The following GOLGA6L2 variants were observed in gnomAD, a reference collection of about 807,000 sequenced individuals.
GOLGA6L2 encodes the protein golgin A6 family like 2, also known as golgin subfamily A member 6-like protein 2.
GOLGA6L2 carries 30 observed loss-of-function variants against 35.9 expected under a neutral mutation model. That is an observed-to-expected ratio of 0.83 (90% CI 0.62 to 1.13). GOLGA6L2 has a LOEUF of 1.13. GOLGA6L2 is among the 50% of genes most tolerant of loss of function. The pLI, the probability that GOLGA6L2 is intolerant of heterozygous loss-of-function variation, is 0.00. For synonymous variants in GOLGA6L2, 297 were observed against 344.0 expected (o/e 0.86, Z 1.51); for missense variants, 821 against 973.4 (o/e 0.84, Z 2.08).
At chr15:23,444,612 A>ATTGGGTCTGAGAACGTT in intron 2 of GOLGA6L2, 112 bp from the exon 3 acceptor site, 1 of 879,462 alleles carries the variant, frequency 1.1e-6, no homozygotes, top group Non-Finnish European at 1.8e-6. Context: ...CAACGTTCTC[A>ATTGGGTCTGAGAACGTT]GACCCAATGG....
At chr15:23,444,413 T>C in intron 3 of GOLGA6L2, 58 bp downstream of exon 3, 1 of 1,564,832 alleles carries the variant, frequency 6.4e-7, no homozygotes, top group Non-Finnish European at 8.7e-7. Context: ...GACGGGCCTC[T>C]ACATCTGAGT....
At chr15:23,442,216 G>A (rs1166628723) in intron 6 of GOLGA6L2, 96 bp from the exon 7 acceptor site, 18 of 1,395,908 alleles carry the variant, frequency 1.3e-5, no homozygotes, top group East Asian at 1.2e-4. Context: ...GCACAGAACC[G>A]TGGCACTGGA....
chr15:23,442,180 A>T (rs1161702301), intron 6 of GOLGA6L2, 60 bp from the exon 7 acceptor site: 1 of 1,529,470 alleles, frequency 6.5e-7, no homozygotes, highest in Non-Finnish European at 8.8e-7. Flanking sequence ...TGCTTTGGTG[A>T]TCAACCCTCT....
At chr15:23,445,258 C>T (rs1234208983) in intron 2 of GOLGA6L2, 52 bp downstream of exon 2, 4 of 349,026 alleles carry the variant, frequency 1.1e-5, no homozygotes, top group Admixed American at 7.1e-5. Flanking sequence ...CAGTTACCCT[C>T]GACCTCCCCT....
intron 3 of GOLGA6L2, 63 bp from the exon 4 acceptor site, chr15:23,444,275 GC>G: frequency 2.6e-6 from 4 of 1,562,580 alleles, no homozygotes; most frequent in Non-Finnish European, 2.6e-6. Context: ...CAAGAGACAT[GC>G]CCCCAGAATG....
At position 23,441,911 on chromosome 15, in the gene GOLGA6L2, G is replaced by A. The variant is rs2070698062; in HGVS notation, c.792+68C>T. The A allele has an allele frequency of 9.3e-6, 14 of 1,507,470 alleles. No homozygotes were observed. In the South Asian group the frequency reaches 1.4e-4, roughly 15 times the overall value. The allele number at this position is 1,507,470 out of a possible 1,614,324, so 93.4% of individuals were successfully genotyped here. A position where few individuals can be genotyped will look rare whatever the true frequency, so the allele number is the denominator to read the frequency against. The stretch of plus-strand genomic sequence containing the variant: ...CTTGGCTGGACCCTCCCCATACCTT[G>A]CATGATCCCTAGACCATGGTCCTAG... On this transcript the variant is annotated intron_variant, in intron 7 of 7. Coordinates refer to ENST00000567107, the MANE Select transcript of GOLGA6L2 (RefSeq NM_001304388.2).
Position 23,439,709 on chromosome 15 carries a change from C to T in GOLGA6L2, c.*36G>A. On this transcript the variant is annotated 3_prime_UTR_variant, in exon 8 of 8. Transcript: ENST00000567107. ...CTGCGGAGAACCCTCCCCAGCCTCT[C>T]CTCCTGCAGGCTCCACACTGCCAGT... 1 of 1,537,364 alleles carries T rather than the reference C, an allele frequency of 6.5e-7. No homozygotes were observed. The highest frequency in any genetic ancestry group is 1.2e-5 in the South Asian group (1 of 84,058).
chr15:23,439,682 T>C lies in GOLGA6L2; in HGVS notation c.*63A>G. On this transcript the variant is annotated 3_prime_UTR_variant, in exon 8 of 8. Coordinates refer to ENST00000567107, the MANE Select transcript of GOLGA6L2 (RefSeq NM_001304388.2). ...CATGATCTCCTGTGCAGTGGGGTTG[T>C]CCTGCGGAGAACCCTCCCCAGCCTC... 1 of 1,537,442 alleles carries C rather than the reference T, an allele frequency of 6.5e-7. No individual in the cohort carries two copies.
chr15:23,441,124 T>A lies in GOLGA6L2; in HGVS notation c.1351A>T (p.Arg451Trp), dbSNP rs1457522604. 4 of 1,522,368 alleles carry A rather than the reference T, an allele frequency of 2.6e-6. No homozygotes were observed. The highest frequency in any genetic ancestry group is 3.5e-6 in the Non-Finnish European group (4 of 1,139,348). The allele number at this position is 1,522,368 out of a possible 1,614,324, so 94.3% of individuals were successfully genotyped here. A position where few individuals can be genotyped will look rare whatever the true frequency, so the allele number is the denominator to read the frequency against. The change falls in exon 8 of 8, where the codon AGG becomes TGG. Residue 451 changes from arginine (R) to tryptophan (W), a missense_variant. Arg to Trp is a moderately radical substitution (Grantham distance 101, BLOSUM62 -3). Transcript: ENST00000567107. ...ATCTTCTTCTCCCGCTCCCGTATCC[T>A]CTCCTCCTCTTGCATCTTCTCCTCC... The part of the protein sequence containing the change: ...DQEEKMQEEE[R>W]IREREKKMRE...
At chr15:23,446,579 G>C (rs1886788872) in intron 1 of GOLGA6L2, among the ~76,000 whole-genome samples, 1 of 152,208 alleles carries the variant, frequency 6.6e-6, no homozygotes, top group African/African-American at 2.4e-5. Flanking sequence ...ACACATCAGT[G>C]CTATGCCCAA....
chr15:23,439,817 A>C lies in GOLGA6L2; in HGVS notation c.2658T>G (p.Asp886Glu). The C allele has an allele frequency of 6.5e-7, 1 of 1,527,320 alleles. No individual in the cohort carries two copies. Among genetic ancestry groups the C allele is most frequent in the Non-Finnish European group, 8.7e-7 (1 of 1,143,490 alleles). 94.6% of individuals were successfully genotyped at this position (1,527,320 alleles called of 1,614,324 possible). Residue 886 changes from aspartate (D) to glutamate (E), a missense_variant, in exon 8 of 8, where the codon GAT (aspartate) becomes GAG (glutamate). Coordinates refer to ENST00000567107, the MANE Select transcript of GOLGA6L2 (RefSeq NM_001304388.2). ...CTCGTGCTCTGGCAGCCTCTCCTGC[A>C]TCTTCTCTTTCTGATCTCGTATCCT... ...GGEDTRSERE[D>E]AGEAARARGA...
Position 23,441,219 on chromosome 15 carries a change from ATCT to A in GOLGA6L2, c.1253_1255del (p.Lys418del), listed in dbSNP as rs1332641810. ...CCGCATCTTCTCCACCTGCTCCCAC[ATCT>A]TCTCCTGCTCCCGCATCCTCTCCTC... On this transcript the variant is annotated inframe_deletion, in exon 8 of 8. Transcript: ENST00000567107. 5 of 1,529,306 alleles carry A rather than the reference ATCT, an allele frequency of 3.3e-6. No individual in the cohort carries two copies. Among genetic ancestry groups the A allele is most frequent in the Non-Finnish European group, 3.5e-6 (4 of 1,143,234 alleles). The allele number at this position is 1,529,306 out of a possible 1,614,324, so 94.7% of individuals were successfully genotyped here.
At chr15:23,444,396 G>A (rs1278173901) in intron 3 of GOLGA6L2, 75 bp downstream of exon 3, 17 of 1,523,820 alleles carry the variant, frequency 1.1e-5, no homozygotes, top group African/African-American at 6.8e-5. Flanking sequence ...GGGAGTAGGC[G>A]AGATGAGACG....
chr15:23,439,266 C>T lies in GOLGA6L2; in HGVS notation c.*479G>A, dbSNP rs1458746085. ...TAGCTGTGATTACAGGCGTGCACAA[C>T]CACGCCCGGCTAACTTGTATTTTTA... is the stretch of plus-strand genomic sequence containing the variant. On this transcript the variant is annotated 3_prime_UTR_variant, in exon 8 of 8. Coordinates refer to ENST00000567107, the MANE Select transcript of GOLGA6L2 (RefSeq NM_001304388.2). Among the ~76,000 whole-genome samples the T allele has an allele frequency of 1.3e-5, 2 of 149,410 alleles. No individual in the cohort carries two copies. The highest frequency in any genetic ancestry group is 3.0e-5 in the Non-Finnish European group (2 of 67,696).
At chr15:23,444,842 C>G (rs553372801) in intron 2 of GOLGA6L2, among the ~76,000 whole-genome samples, 3 of 151,778 alleles carry the variant, frequency 2.0e-5, no homozygotes, top group African/African-American at 4.8e-5. Context: ...ACATAGGGGC[C>G]GGGGACGGTT....
At chr15:23,447,003 C>T (rs1886803281) in intron 1 of GOLGA6L2, 95 bp downstream of exon 1, 2 of 641,654 alleles carry the variant, frequency 3.1e-6, no homozygotes, top group African/African-American at 1.9e-5. Context: ...GCCCAGTGTG[C>T]CTCTGGAATG....
At chr15:23,442,656 G>T (rs1390086693) in intron 5 of GOLGA6L2, 148 bp from the exon 6 acceptor site, 12 of 710,248 alleles carry the variant, frequency 1.7e-5, no homozygotes, top group Non-Finnish European at 2.7e-5. Context: ...CAAGCCCATG[G>T]TCTCATTTTT....
At chr15:23,444,543 G>T (rs574534665) in intron 2 of GOLGA6L2, 43 bp from the exon 3 acceptor site, 26 of 1,586,692 alleles carry the variant, frequency 1.6e-5, no homozygotes, top group Admixed American at 6.7e-5. Flanking sequence ...GTGGCCCCCT[G>T]GACTCTATTC....
rs73423929 is a variant in GOLGA6L2 at position 23,443,295 on chromosome 15, C to A, written c.591+482G>T. ...CTCAGAAGGTAGAGAAGGGAAATAT[C>A]TACCCCACACACACTGTTCCTGTCT... is the stretch of plus-strand genomic sequence containing the variant. On this transcript the variant is annotated intron_variant, in intron 5 of 7. Coordinates refer to ENST00000567107, the MANE Select transcript of GOLGA6L2 (RefSeq NM_001304388.2). Among the ~76,000 whole-genome samples, 670 of 152,200 alleles carry A rather than the reference C, an allele frequency of 4.4e-3. 3 individuals are homozygous for A. Among genetic ancestry groups the A allele is most frequent in the African/African-American group, 0.015 (635 of 41,528 alleles).
Sources: gnomAD v4.1 joint callset for allele counts (sites outside exome capture counted in the v4.1 genomes callset) on GRCh38, gnomAD v4.1.1 for gene constraint, MANE v1.5 for transcripts, NCBI Gene and HGNC (gene_info 2026-07-23, HGNC 2026-07-21) for gene names.